The following EYA4 variants were observed in gnomAD, a reference collection of about 807,000 sequenced individuals.
The protein encoded by EYA4 is EYA transcriptional coactivator and phosphatase 4.
Under a neutral mutation model 87.9 loss-of-function variants are expected in EYA4, and 31 were observed. The observed-to-expected ratio is 0.35, with a 90% CI of 0.27 to 0.48. The LOEUF is 0.48. Ranked by LOEUF, EYA4 falls within the 20% of genes least tolerant of loss-of-function variation. The pLI is 0.99. For synonymous variants in EYA4, 263 were observed against 270.6 expected (o/e 0.97, Z 0.28); for missense variants, 678 against 761.4 (o/e 0.89, Z 1.29).
chr6:133,332,711 A>ATTTTTTTTTT (rs71003634), intron 2 of EYA4, among the ~76,000 whole-genome samples: 59 of 124,874 alleles, frequency 4.7e-4, no homozygotes, highest in East Asian at 1.4e-3. Context: ...GCCCAGCTAA[A>ATTTTTTTTTT]TTTTTTTTTT....
At chr6:133,299,945 ATCTATC>A (rs1442922155) in intron 2 of EYA4, among the ~76,000 whole-genome samples, 7 of 135,292 alleles carry the variant, frequency 5.2e-5, no homozygotes, top group African/African-American at 6.1e-5. Flanking sequence ...CTATCTATCT[ATCTATC>A]TATCTATATA....
chr6:133,414,984 A>AT (rs59242926), intron 3 of EYA4, among the ~76,000 whole-genome samples: 1,863 of 152,220 alleles, frequency 0.012, 33 homozygotes, highest in African/African-American at 0.043. Flanking sequence ...TTTATGCCAT[A>AT]TTTTTTATGT....
chr6:133,352,893 CAT>C (rs1161508521), intron 2 of EYA4, among the ~76,000 whole-genome samples: 1 of 152,152 alleles, frequency 6.6e-6, no homozygotes, highest in African/African-American at 2.4e-5. Context: ...CAAAGCTTCA[CAT>C]GTCTTAGCTC....
chr6:133,354,101 A>T (rs754499001), intron 2 of EYA4, among the ~76,000 whole-genome samples: 18 of 152,248 alleles, frequency 1.2e-4, no homozygotes, highest in Middle Eastern at 6.8e-3. Context: ...ATGCATAATT[A>T]CTGGATGTGC....
chr6:133,311,981 CT>C (rs1244109607), intron 2 of EYA4, among the ~76,000 whole-genome samples: 9 of 152,144 alleles, frequency 5.9e-5, no homozygotes, highest in African/African-American at 2.2e-4. Context: ...AAGTACAACA[CT>C]GATAAATGCT....
intron 2 of EYA4, among the ~76,000 whole-genome samples, chr6:133,328,992 T>C (rs1255808905): frequency 2.6e-5 from 4 of 152,122 alleles, no homozygotes; most frequent in African/African-American, 9.7e-5. Context: ...TGTTTCTGTG[T>C]ATCTTTTTTA....
rs187845644 is a variant in EYA4 at position 133,304,374 on chromosome 6, T to G, written c.33+29561T>G. ...GGCACCCCACTCTGTTTCAGGAAGA[T>G]GGACAGTCTTTTCTGTCTCTTGCAT... On this transcript the variant is annotated intron_variant, in intron 2 of 19. Coordinates refer to ENST00000355286, the MANE Select transcript of EYA4 (RefSeq NM_004100.5). Among the ~76,000 whole-genome samples the G allele has an allele frequency of 2.3e-3, 346 of 152,300 alleles. 1 individual carries two copies. Among genetic ancestry groups the G allele is most frequent in the South Asian group, 8.3e-3 (40 of 4,824 alleles).
chr6:133,446,684 T>A lies in EYA4; in HGVS notation c.138T>A (p.Asp46Glu). The change falls in exon 4 of 20, where the codon GAT (aspartate) becomes GAA (glutamate). Residue 46 changes from aspartate (D) to glutamate (E), a missense_variant. Asp to Glu is a conservative substitution (Grantham distance 45, BLOSUM62 2). Coordinates refer to ENST00000355286, the MANE Select transcript of EYA4 (RefSeq NM_004100.5). ...ASPHTLVGGG[D>E]TPGSSKLEKS... is the part of the protein sequence containing the mutation. Reference sequence around the variant, plus strand: ...CTCATACTCTTGTTGGAGGTGGTGATACTCCAGGTAGCTCCAAACTGGAAA... The same window carrying A: ...CTCATACTCTTGTTGGAGGTGGTGAAACTCCAGGTAGCTCCAAACTGGAAA... 6.2e-7 allele frequency: 1 copy of A among 1,613,788 alleles called. No homozygotes were observed. Among genetic ancestry groups the A allele is most frequent in the East Asian group, 2.2e-5 (1 of 44,854 alleles).
In EYA4 at chr6:133,247,076, TG is replaced by T. The variant is rs896937337; in HGVS notation, c.-66+5328del. On this transcript the variant is annotated intron_variant, in intron 1 of 19. Transcript: ENST00000355286. Reference sequence around the variant, plus strand: ...GATATTAGAAAAATTTGTTAAATTTTGTATTAAACCTGTAACTTCATGGGCA... The same window carrying T: ...GATATTAGAAAAATTTGTTAAATTTTTATTAAACCTGTAACTTCATGGGCA... 6 of 152,218 alleles carry T rather than the reference TG, an allele frequency of 3.9e-5. No homozygotes were observed. In the East Asian group the frequency reaches 5.8e-4, roughly 15 times the overall value. 9.4% of individuals were successfully genotyped at this position (152,218 alleles called of 1,614,324 possible). A position where few individuals can be genotyped will look rare whatever the true frequency, so the allele number is the denominator to read the frequency against.
intron 14 of EYA4, among the ~76,000 whole-genome samples, chr6:133,509,068 G>A (rs1438441753): frequency 6.6e-6 from 1 of 152,126 alleles, no homozygotes; most frequent in African/African-American, 2.4e-5. Flanking sequence ...CAGATAAAGT[G>A]CCCAAGGAAA....
intron 2 of EYA4, among the ~76,000 whole-genome samples, chr6:133,372,894 C>CA (rs1785385124): frequency 6.6e-6 from 1 of 151,700 alleles, no homozygotes; most frequent in Non-Finnish European, 1.5e-5. Flanking sequence ...TATGGTGATA[C>CA]TATTGGGCAC....
chr6:133,316,581 T>G (rs541002000), intron 2 of EYA4, among the ~76,000 whole-genome samples: 1 of 152,228 alleles, frequency 6.6e-6, no homozygotes, highest in South Asian at 2.1e-4. Flanking sequence ...ACGACTGTCG[T>G]TTTCTTCTTT....
chr6:133,477,013 TG>T (rs140427002), intron 11 of EYA4, among the ~76,000 whole-genome samples: 13,556 of 152,038 alleles, frequency 0.089, 1,184 homozygotes, highest in African/African-American at 0.21. Context: ...TATACATGTT[TG>T]GTAGTTCCTT....
chr6:133,418,502 T>G (rs1243352977), intron 3 of EYA4, among the ~76,000 whole-genome samples: 1 of 152,236 alleles, frequency 6.6e-6, no homozygotes, highest in Non-Finnish European at 1.5e-5. Flanking sequence ...ACTTTTTTCT[T>G]TGACATTTAA....
intron 2 of EYA4, among the ~76,000 whole-genome samples, chr6:133,349,682 G>A (rs1783484212): frequency 1.3e-5 from 2 of 151,232 alleles, no homozygotes; most frequent in South Asian, 2.1e-4. Context: ...AGGAATGTGG[G>A]GGCTGTAATA....
intron 2 of EYA4, among the ~76,000 whole-genome samples, chr6:133,322,698 A>T (rs1463790322): frequency 6.6e-6 from 1 of 152,226 alleles, no homozygotes; most frequent in African/African-American, 2.4e-5. Context: ...TTGTATCATA[A>T]GACTATGTCT....
chr6:133,349,074 G>C (rs1429338113), intron 2 of EYA4, among the ~76,000 whole-genome samples: 1 of 152,124 alleles, frequency 6.6e-6, no homozygotes, highest in African/African-American at 2.4e-5. Context: ...TGTGCCAGAC[G>C]TATGCACCTG....
At chr6:133,314,835 C>A (rs1236349914) in intron 2 of EYA4, among the ~76,000 whole-genome samples, 2 of 151,998 alleles carry the variant, frequency 1.3e-5, no homozygotes, top group Non-Finnish European at 2.9e-5. Flanking sequence ...TGCATAGCAC[C>A]CTCCTTTTAG....
At chr6:133,351,764 A>G (rs1376862767) in intron 2 of EYA4, among the ~76,000 whole-genome samples, 2 of 152,210 alleles carry the variant, frequency 1.3e-5, no homozygotes, top group African/African-American at 4.8e-5. Context: ...GATGTTGAGA[A>G]AGATTCTTTT....
Sources: gnomAD v4.1 joint callset for allele counts (sites outside exome capture counted in the v4.1 genomes callset) on GRCh38, gnomAD v4.1.1 for gene constraint, MANE v1.5 for transcripts, NCBI Gene and HGNC (gene_info 2026-07-23, HGNC 2026-07-21) for gene names.